MDFI: variants seen among roughly 807,000 people sequenced by gnomAD.
The protein encoded by MDFI is MyoD family inhibitor, also known as inhibitor of MyoD family a.
Under a neutral mutation model 22.3 loss-of-function variants are expected in MDFI, and 16 were observed. The ratio of observed to expected loss-of-function variants is 0.72; its 90% CI spans 0.49 to 1.09. The LOEUF (loss-of-function observed/expected upper bound fraction) is 1.09. MDFI is among the 50% of genes least tolerant of loss of function. The probability of loss-of-function intolerance (pLI) is 0.00; values close to 1 mark genes in which losing one functional copy is unlikely to be tolerated. For missense variants in MDFI, 314 were observed against 326.1 expected (o/e 0.96, Z 0.29); for synonymous variants, 145 against 142.7 (o/e 1.02, Z -0.12).
chr6:41,639,290 C>T (rs1767760813), intron 2 of MDFI: 2 of 985,280 alleles, frequency 2.0e-6, no homozygotes, highest in Non-Finnish European at 2.4e-6. Flanking sequence ...CCGCGAGCGG[C>T]TGCAGGACCC....
chr6:41,639,154 G>GT, intron 2 of MDFI: 1 of 839,208 alleles, frequency 1.2e-6, no homozygotes, highest in Non-Finnish European at 1.4e-6. Flanking sequence ...TGTCTCAACT[G>GT]TTTCTGCCCA....
intron 3 of MDFI, among the ~76,000 whole-genome samples, chr6:41,648,743 C>T (rs537848676): frequency 6.3e-4 from 96 of 152,310 alleles, no homozygotes; most frequent in African/African-American, 2.2e-3. Context: ...CCACCATACA[C>T]ACCTCCCCTC....
At chr6:41,644,972 T>C (rs572571257) in intron 2 of MDFI, among the ~76,000 whole-genome samples, 4 of 151,908 alleles carry the variant, frequency 2.6e-5, no homozygotes, top group Admixed American at 2.6e-4. Context: ...ACCCTGCCTC[T>C]CCTTGTGTCC....
At chr6:41,644,971 C>T (rs771550610) in intron 2 of MDFI, among the ~76,000 whole-genome samples, 23 of 151,888 alleles carry the variant, frequency 1.5e-4, no homozygotes, top group Admixed American at 6.6e-4. Context: ...CACCCTGCCT[C>T]TCCTTGTGTC....
intron 2 of MDFI, among the ~76,000 whole-genome samples, chr6:41,644,344 T>A (rs1475540902): frequency 2.6e-5 from 4 of 152,076 alleles, no homozygotes; most frequent in Non-Finnish European, 5.9e-5. Context: ...CCTGCACAAA[T>A]CCTAGGAGCG....
chr6:41,649,877 C>A (rs1011176516), intron 4 of MDFI, 34 bp downstream of exon 4: 1 of 1,575,970 alleles, frequency 6.3e-7, no homozygotes. Flanking sequence ...CTGGGAGAGG[C>A]CTCCAAAGCC....
rs1021111811 is a variant in MDFI at position 41,653,642 on chromosome 6, C to T, written c.*67C>T. On this transcript the variant is annotated 3_prime_UTR_variant, in exon 5 of 5. Transcript: ENST00000230321. This position sits in a 1 kb window ranked among gnomAD's most constrained non-coding sequence, Gnocchi z 4.2. ...TCCAGCAGGGTCCCTCTGAGTGGGG[C>T]CAGGCCCAGGACTGTCACACAAGGC... 12 of 1,575,786 alleles carry T rather than the reference C, an allele frequency of 7.6e-6. No individual in the cohort carries two copies. The African/African-American group carries it at 1.5e-4, about 19-fold the overall frequency.
rs116703034 is a variant in MDFI at position 41,653,670 on chromosome 6, G to A, written c.*95G>A. 3.2e-3 allele frequency: 4,756 copies of A among 1,499,148 alleles called. 113 individuals carry two copies. The African/African-American group carries it at 0.053, about 17-fold the overall frequency. The allele number at this position is 1,499,148 out of a possible 1,614,324, so 92.9% of individuals were successfully genotyped here. A position where few individuals can be genotyped will look rare whatever the true frequency, so the allele number is the denominator to read the frequency against. On this transcript the variant is annotated 3_prime_UTR_variant, in exon 5 of 5. Transcript: ENST00000230321. This position sits in a 1 kb window ranked among gnomAD's most constrained non-coding sequence, Gnocchi z 4.2. ...GGCCCAGGACTGTCACACAAGGCTT[G>A]AGAAGCCCCCTCTCCCTGGTCCTCT...
rs1189566099 is a variant in MDFI, at chr6:41,638,694, C to T, written c.-12+42C>T. The T allele has an allele frequency of 4.6e-6, 7 of 1,525,584 alleles. No individual in the cohort carries two copies. Among genetic ancestry groups the T allele is most frequent in the Non-Finnish European group, 6.2e-6 (7 of 1,135,726 alleles). 94.5% of individuals were successfully genotyped at this position (1,525,584 alleles called of 1,614,324 possible). On this transcript the variant is annotated intron_variant, in intron 1 of 4. Transcript: ENST00000230321. The surrounding 1 kb of genome is among the most constrained non-coding windows in gnomAD (Gnocchi z 7.6). Reference sequence around the variant, plus strand: ...GGCGCGCATCTGCGGGGGAATCGCCCCTTGCCCGCCTCCGGCGCCGCCCGC... The same window carrying T: ...GGCGCGCATCTGCGGGGGAATCGCCTCTTGCCCGCCTCCGGCGCCGCCCGC...
chr6:41,649,925 A>G, intron 4 of MDFI, 82 bp downstream of exon 4: 2 of 1,174,832 alleles, frequency 1.7e-6, no homozygotes, highest in South Asian at 1.4e-5. Context: ...CCACTGGAGC[A>G]CCTTCACCAG....
rs977014882 is a variant in MDFI, at chr6:41,639,490, C to G, written c.76+665C>G. The stretch of plus-strand genomic sequence containing the variant: ...CCGCGATTCCTGGGGGAGCCTCTCA[C>G]GCCAAGTACGGTTTGTGACTCCCTG... On this transcript the variant is annotated intron_variant, in intron 2 of 4. Transcript: ENST00000230321. 9.1e-6 allele frequency: 9 copies of G among 985,448 alleles called. No individual in the cohort carries two copies. In the East Asian group the frequency reaches 7.9e-4, roughly 87 times the overall value. The allele number at this position is 985,448 out of a possible 1,614,324, so 61.0% of individuals were successfully genotyped here.
At chr6:41,643,250 G>A (rs1435179877) in intron 2 of MDFI, among the ~76,000 whole-genome samples, 2 of 152,130 alleles carry the variant, frequency 1.3e-5, no homozygotes. Context: ...CTGCTGATTG[G>A]TCAAGACTCA....
chr6:41,649,528 G>A, intron 3 of MDFI, 91 bp from the exon 4 acceptor site: 1 of 1,225,152 alleles, frequency 8.2e-7, no homozygotes, highest in Non-Finnish European at 1.1e-6. Flanking sequence ...TGGGGTATAT[G>A]TAAGAATGCA....
At chr6:41,650,328 C>G (rs1476959678) in intron 4 of MDFI, among the ~76,000 whole-genome samples, 1 of 152,206 alleles carries the variant, frequency 6.6e-6, no homozygotes, top group Non-Finnish European at 1.5e-5. Context: ...AGCCGATGTG[C>G]CTACAACACA....
At chr6:41,643,805 GCAAAGTAACCCAA>G (rs140366010) in intron 2 of MDFI, among the ~76,000 whole-genome samples, 12,562 of 152,188 alleles carry the variant, frequency 0.083, 646 homozygotes, top group Middle Eastern at 0.17. Context: ...GATTAGGACT[GCAAAGTAACCCAA>G]CCCTTTCCAT....
In MDFI at chr6:41,649,605, C is replaced by A. The variant is rs1561833408; in HGVS notation, c.260-14C>A. The A allele has an allele frequency of 6.4e-7, 1 of 1,559,346 alleles. No homozygotes were observed. The highest frequency in any genetic ancestry group is 8.7e-7 in the Non-Finnish European group (1 of 1,150,882). On this transcript the variant is annotated splice_polypyrimidine_tract_variant and intron_variant, in intron 3 of 4. Transcript: ENST00000230321. ...CCACCCTTTTCCCATCACACTTTCTCTTCATCTCTCCAGGCCAGCCTCAGG... is the reference window on the plus strand; with the variant it reads ...CCACCCTTTTCCCATCACACTTTCTATTCATCTCTCCAGGCCAGCCTCAGG...
chr6:41,638,651 G>C lies in MDFI; in HGVS notation c.-13G>C. ...GAAGAGAGCGTAGCACGGCTCGCAC[G>C]AGTGAGTGGACGTGGGAGGCGCGCA... On this transcript the variant is annotated splice_region_variant and 5_prime_UTR_variant, in exon 1 of 5. Transcript: ENST00000230321. The surrounding 1 kb of genome is among the most constrained non-coding windows in gnomAD (Gnocchi z 7.6). The C allele has an allele frequency of 7.5e-7, 1 of 1,335,416 alleles. No individual in the cohort carries two copies. The highest frequency in any genetic ancestry group is 1.0e-6 in the Non-Finnish European group (1 of 973,008). 82.7% of individuals were successfully genotyped at this position (1,335,416 alleles called of 1,614,324 possible). A position where few individuals can be genotyped will look rare whatever the true frequency, so the allele number is the denominator to read the frequency against.
chr6:41,637,065 C>A (rs899334265), upstream of MDFI: 1 of 152,236 alleles, frequency 6.6e-6, no homozygotes, highest in Non-Finnish European at 1.5e-5. The surrounding 1 kb of genome is among the most constrained non-coding windows in gnomAD (Gnocchi z 6.8). Context: ...GGATCCCGGC[C>A]GGCTCCTGGG....
At position 41,654,052 on chromosome 6, in the gene MDFI, C is replaced by T. The variant is rs1206363296; in HGVS notation, c.*477C>T. 1 of 198,898 alleles carries T rather than the reference C, an allele frequency of 5.0e-6. No individual in the cohort carries two copies. The highest frequency in any genetic ancestry group is 1.0e-5 in the Non-Finnish European group (1 of 95,668). The allele number at this position is 198,898 out of a possible 1,614,324, so 12.3% of individuals were successfully genotyped here. A position where few individuals can be genotyped will look rare whatever the true frequency, so the allele number is the denominator to read the frequency against. On this transcript the variant is annotated 3_prime_UTR_variant, in exon 5 of 5. Transcript: ENST00000230321. ...GACGCCCCACCCACCCTCAGCCAGC[C>T]CTCTCCAGTCTCCTTTCCTAGGCTT...
Sources: gnomAD v4.1 joint callset for allele counts (sites outside exome capture counted in the v4.1 genomes callset) on GRCh38, gnomAD v4.1.1 for gene constraint, Gnocchi (gnomAD v3.1) non-coding constraint, MANE v1.5 for transcripts, NCBI Gene and HGNC (gene_info 2026-07-23, HGNC 2026-07-21) for gene names.